JAK1: variants seen among roughly 807,000 people sequenced by gnomAD.
JAK1 encodes the protein Janus kinase 1, also known as tyrosine-protein kinase JAK1.
JAK1 carries 16 observed loss-of-function variants against 136.6 expected under a neutral mutation model. The ratio of observed to expected loss-of-function variants is 0.12; its 90% CI spans 0.08 to 0.18. The LOEUF (loss-of-function observed/expected upper bound fraction) is 0.18. Among genes scored for constraint, JAK1 ranks in the 10% least tolerant of loss-of-function variants. JAK1 has a pLI of 1.00. For missense variants in JAK1, 859 were observed against 1,450.1 expected (o/e 0.59, Z 6.62); for synonymous variants, 492 against 519.5 (o/e 0.95, Z 0.72).
At chr1:64,866,826 C>A in intron 7 of JAK1, 40 bp downstream of exon 7, 1 of 1,450,334 alleles carries the variant, frequency 6.9e-7, no homozygotes, top group Non-Finnish European at 9.6e-7. Flanking sequence ...CTATGTGACA[C>A]GGGAATGTTC....
chr1:65,065,099 G>A (rs1338843555), intron 1 of JAK1, among the ~76,000 whole-genome samples: 1 of 152,128 alleles, frequency 6.6e-6, no homozygotes, highest in Non-Finnish European at 1.5e-5. Context: ...TTTAAAAGTT[G>A]ATCTTTTCAA....
chr1:64,902,207 C>G (rs1292132024), intron 1 of JAK1, among the ~76,000 whole-genome samples: 1 of 152,086 alleles, frequency 6.6e-6, no homozygotes, highest in Non-Finnish European at 1.5e-5. Flanking sequence ...GTCATTGTAG[C>G]TAGTAAGCAA....
chr1:64,845,762 G>C (rs148150741), intron 14 of JAK1, 122 bp from the exon 15 acceptor site: 32 of 1,219,594 alleles, frequency 2.6e-5, no homozygotes, highest in South Asian at 3.9e-5. Context: ...GATATCCTTG[G>C]GGGGTGCAAT....
intron 2 of JAK1, among the ~76,000 whole-genome samples, chr1:65,015,898 C>G (rs571155338): frequency 5.3e-5 from 8 of 152,170 alleles, no homozygotes; most frequent in Admixed American, 5.2e-4. Flanking sequence ...TACTTGTATA[C>G]CAGTGTTCAT....
chr1:64,905,700 T>C (rs1465494636), intron 1 of JAK1, among the ~76,000 whole-genome samples: 1 of 152,156 alleles, frequency 6.6e-6, no homozygotes, highest in African/African-American at 2.4e-5. Flanking sequence ...AAAAATCAAG[T>C]GAAAAAGTGA....
chr1:65,029,025 G>C (rs1437097603), intron 2 of JAK1, among the ~76,000 whole-genome samples: 1 of 152,110 alleles, frequency 6.6e-6, no homozygotes, highest in African/African-American at 2.4e-5. Context: ...TACTATGCAG[G>C]GGTCAAGGCT....
intron 8 of JAK1, among the ~76,000 whole-genome samples, chr1:64,863,495 T>C (rs1656500236): frequency 6.6e-6 from 1 of 151,982 alleles, no homozygotes; most frequent in South Asian, 2.1e-4. Context: ...CTTCACTTTG[T>C]TTTTACTATA....
At chr1:64,961,637 T>G (rs1046729700) in intron 1 of JAK1, among the ~76,000 whole-genome samples, 1 of 152,152 alleles carries the variant, frequency 6.6e-6, no homozygotes, top group Admixed American at 6.5e-5. Flanking sequence ...AGTCTGCCAC[T>G]GACACCACGT....
chr1:64,869,352 C>G lies in JAK1; in HGVS notation c.606G>C (p.Met202Ile). ...GTTCTGGCAACTGCATCTTCTTCAT[C>G]ATGGCATAGTGTGAGATGGCCAGGA... ...MAVLAISHYA[M>I]MKKMQLPELP... Residue 202 changes from methionine to isoleucine, a missense_variant, in exon 6 of 25, where the codon ATG becomes ATC. By Grantham distance (10) the Met-to-Ile change is conservative. This residue lies in a region of JAK1 where 353 missense variants were observed against 494.0 expected (regional missense o/e 0.71). Transcript: ENST00000342505. 2 of 1,614,122 alleles carry G rather than the reference C, an allele frequency of 1.2e-6. No homozygotes were observed. Among genetic ancestry groups the G allele is most frequent in the Non-Finnish European group, 1.7e-6 (2 of 1,179,994 alleles).
At chr1:64,905,902 G>A (rs1380904780) in intron 1 of JAK1, among the ~76,000 whole-genome samples, 1 of 152,134 alleles carries the variant, frequency 6.6e-6, no homozygotes, top group African/African-American at 2.4e-5. Context: ...GTCTCCAAAT[G>A]TCGGTGGCCC....
At chr1:64,963,856 G>C (rs1339981596) in intron 1 of JAK1, among the ~76,000 whole-genome samples, 1 of 148,128 alleles carries the variant, frequency 6.8e-6, no homozygotes, top group Non-Finnish European at 1.5e-5. Flanking sequence ...TGTTTGGGAT[G>C]GGGGGCTGTC....
At chr1:65,033,605 C>T (rs1647042538) in intron 2 of JAK1, among the ~76,000 whole-genome samples, 1 of 151,634 alleles carries the variant, frequency 6.6e-6, no homozygotes, top group Admixed American at 6.6e-5. Flanking sequence ...AAACATTGCC[C>T]ATTTGGGTGA....
At chr1:64,863,652 T>C (rs1656510450) in intron 8 of JAK1, among the ~76,000 whole-genome samples, 2 of 152,232 alleles carry the variant, frequency 1.3e-5, no homozygotes, top group South Asian at 2.1e-4. Flanking sequence ...TGCATACCTA[T>C]TGATATTTTG....
chr1:64,950,469 T>C (rs1378297187), intron 1 of JAK1, among the ~76,000 whole-genome samples: 3 of 152,162 alleles, frequency 2.0e-5, no homozygotes, highest in Non-Finnish European at 2.9e-5. Context: ...GAATTATTAT[T>C]ACAATTTAAA....
intron 2 of JAK1, among the ~76,000 whole-genome samples, chr1:65,020,773 G>C (rs1405650227): frequency 1.3e-5 from 2 of 152,170 alleles, no homozygotes; most frequent in Non-Finnish European, 2.9e-5. Flanking sequence ...TTGGTAATTT[G>C]AGAAGAGTTT....
At chr1:64,909,362 G>A (rs1645243489) in intron 1 of JAK1, among the ~76,000 whole-genome samples, 1 of 152,130 alleles carries the variant, frequency 6.6e-6, no homozygotes, top group Non-Finnish European at 1.5e-5. Context: ...TTTAGTAGAG[G>A]GGAGCAGATG....
At chr1:64,994,874 G>T (rs963846037) in intron 2 of JAK1, 2 of 150,938 alleles carry the variant, frequency 1.3e-5, no homozygotes, top group South Asian at 2.1e-4. Context: ...TCTAAATTAG[G>T]ATAATAGGGC....
At chr1:65,026,429 C>T (rs982952570) in intron 2 of JAK1, among the ~76,000 whole-genome samples, 1 of 152,134 alleles carries the variant, frequency 6.6e-6, no homozygotes, top group Non-Finnish European at 1.5e-5. Flanking sequence ...ACCTCAGAAT[C>T]CCACGGTTTG....
At chr1:64,907,984 C>T (rs1003532801) in intron 1 of JAK1, among the ~76,000 whole-genome samples, 1 of 152,144 alleles carries the variant, frequency 6.6e-6, no homozygotes, top group Non-Finnish European at 1.5e-5. Flanking sequence ...GAATATGGAA[C>T]TTGAGACATG....
Sources: allele counts gnomAD v4.1 joint callset (sites outside exome capture counted in the v4.1 genomes callset), GRCh38; gene constraint gnomAD v4.1.1; regional missense constraint gnomAD v4.1.1; transcripts MANE v1.5; gene names NCBI Gene and HGNC (gene_info 2026-07-23, HGNC 2026-07-21).